Variants in LEMD1 observed in about 807,000 individuals in gnomAD.
LEMD1 encodes LEM domain-containing protein 1.
LEMD1 carries 18 observed loss-of-function variants against 17.4 expected under a neutral mutation model. The ratio of observed to expected loss-of-function variants is 1.04; its 90% CI spans 0.72 to 1.54. The LOEUF (loss-of-function observed/expected upper bound fraction) is 1.54, where lower values mean the gene tolerates loss of function less well. LEMD1 is among the 40% of genes most tolerant of loss of function. The probability of loss-of-function intolerance (pLI) is 0.00; values close to 1 mark genes in which losing one functional copy is unlikely to be tolerated. For synonymous variants in LEMD1, 88 were observed against 77.8 expected (o/e 1.13, Z -0.69); for missense variants, 195 against 210.4 (o/e 0.93, Z 0.45).
chr1:205,418,617 G>A (rs1448430609), intron 3 of LEMD1, among the ~76,000 whole-genome samples: 2 of 152,184 alleles, frequency 1.3e-5, no homozygotes, highest in Non-Finnish European at 2.9e-5. Context: ...CCTGGTTCAG[G>A]CGATTCTCCT....
Position 205,420,497 on chromosome 1 carries a change from T to C in LEMD1, c.40A>G (p.Asn14Asp), listed in dbSNP as rs760164885. Residue 14 changes from asparagine (N) to aspartate (D), a missense_variant, in exon 2 of 6, where the codon AAC (asparagine) becomes GAC (aspartate). Physicochemically the swap from Asn to Asp is conservative, Grantham distance 23. Coordinates refer to ENST00000367153, the MANE Select transcript of LEMD1 (RefSeq NM_001199050.2). ...GAAAATCCAAGCTTCTCAAGTTGGT[T>C]CTGCAATTTACAGTCACTCAGACAC... The part of the protein sequence containing the change: ...VKCLSDCKLQ[N>D]QLEKLGFSPG... 6.2e-7 allele frequency: 1 copy of C among 1,614,030 alleles called. No individual in the cohort carries two copies. Among genetic ancestry groups the C allele is most frequent in the Non-Finnish European group, 8.5e-7 (1 of 1,180,014 alleles).
At chr1:205,410,575 CTGAG>C (rs1408162632) in intron 4 of LEMD1, among the ~76,000 whole-genome samples, 3 of 152,180 alleles carry the variant, frequency 2.0e-5, no homozygotes, top group Non-Finnish European at 4.4e-5. Context: ...CCAACAGGGA[CTGAG>C]TAAGTCCCTG....
intron 4 of LEMD1, among the ~76,000 whole-genome samples, chr1:205,414,962 T>G (rs1665624032): frequency 6.6e-6 from 1 of 152,186 alleles, no homozygotes; most frequent in African/African-American, 2.4e-5. Flanking sequence ...GATGGATTTT[T>G]TAACATCATT....
intron 4 of LEMD1, among the ~76,000 whole-genome samples, chr1:205,388,895 G>A (rs1018664528): frequency 6.6e-6 from 1 of 151,900 alleles, no homozygotes; most frequent in African/African-American, 2.4e-5. Context: ...CAGTCAGTCT[G>A]AAATAATATT....
In LEMD1 at chr1:205,441,908, C is replaced by T. The variant is rs1451175514; in HGVS notation, c.-39+7960G>A. 2.6e-5 allele frequency among the ~76,000 whole-genome samples: 4 copies of T among 152,178 alleles called. No individual in the cohort carries two copies. Among genetic ancestry groups the T allele is most frequent in the Non-Finnish European group, 5.9e-5 (4 of 68,032 alleles). On this transcript the variant is annotated intron_variant, in intron 1 of 3. Transcript: ENST00000367154. This position sits in a 1 kb window ranked among gnomAD's most constrained non-coding sequence, Gnocchi z 4.3. ...GGCCCTCAGCAGGAGCCAGGGGCCG[C>T]TCTGGTATCTGTTGCAGTCTGGCTG...
chr1:205,394,633 C>T (rs1300584526), intron 4 of LEMD1, among the ~76,000 whole-genome samples: 1 of 152,156 alleles, frequency 6.6e-6, no homozygotes. Flanking sequence ...GATCCACCCG[C>T]CTTGGCCTCC....
chr1:205,408,774 A>G lies in LEMD1; in HGVS notation c.270+7458T>C, dbSNP rs140773718. Among the ~76,000 whole-genome samples, 341 of 152,204 alleles carry G rather than the reference A, an allele frequency of 2.2e-3. 9 individuals carry two copies. The East Asian group carries it at 0.048, about 21-fold the overall frequency. ...CTTGACCTCCCAAAGTGCTGAGATT[A>G]AAGAAGCGAGCCATCAAGCTCAGCT... On this transcript the variant is annotated intron_variant, in intron 4 of 5. Coordinates refer to ENST00000367153, the MANE Select transcript of LEMD1 (RefSeq NM_001199050.2).
chr1:205,397,140 G>T (rs1928444), intron 4 of LEMD1, among the ~76,000 whole-genome samples: 80,844 of 151,870 alleles, frequency 0.53, 21,771 homozygotes, highest in South Asian at 0.6. Context: ...AGAAAGACGA[G>T]CCTTTGCTTC....
upstream of LEMD1, among the ~76,000 whole-genome samples, chr1:205,424,609 G>A (rs1447665922): frequency 6.6e-6 from 1 of 152,176 alleles, no homozygotes; most frequent in Non-Finnish European, 1.5e-5. Context: ...AATGCTGCAG[G>A]AGCCCAGAAT....
intron 4 of LEMD1, among the ~76,000 whole-genome samples, chr1:205,391,111 T>C (rs775512596): frequency 5.3e-5 from 8 of 151,996 alleles, no homozygotes; most frequent in South Asian, 2.1e-4. Flanking sequence ...CCGATGTATA[T>C]ATGGAAACTT....
intron 3 of LEMD1, among the ~76,000 whole-genome samples, chr1:205,418,817 C>T (rs1346882430): frequency 6.6e-6 from 1 of 152,138 alleles, no homozygotes; most frequent in East Asian, 1.9e-4. Context: ...ATCAGTGTGG[C>T]TCATCTTTCT....
chr1:205,432,002 A>G (rs527918512), intron 1 of LEMD1, among the ~76,000 whole-genome samples: 30 of 152,148 alleles, frequency 2.0e-4, no homozygotes, highest in Non-Finnish European at 3.2e-4. Flanking sequence ...GGTGTAAGCC[A>G]CCGCACCCGC....
chr1:205,420,215 G>A (rs1665896984), intron 2 of LEMD1, among the ~76,000 whole-genome samples: 1 of 152,156 alleles, frequency 6.6e-6, no homozygotes, highest in Non-Finnish European at 1.5e-5. Flanking sequence ...CTGCTTGGGA[G>A]GCTCAGGCAG....
At chr1:205,389,587 G>A (rs11240467) in intron 4 of LEMD1, among the ~76,000 whole-genome samples, 25,537 of 152,094 alleles carry the variant, frequency 0.17, 2,219 homozygotes, top group Admixed American at 0.21. Flanking sequence ...GCTGGACTTG[G>A]AGAAGTCAGA....
In LEMD1 at chr1:205,419,215, A is replaced by G. The variant is rs780758736; in HGVS notation, c.205+15T>C. On this transcript the variant is annotated intron_variant, in intron 3 of 5. Coordinates refer to ENST00000367153, the MANE Select transcript of LEMD1 (RefSeq NM_001199050.2). ...GTGCAAAGTTGCCATCTAGCAGTAC[A>G]GCTTATGGCGGTACCTTCGCTGTCA... 6.2e-7 allele frequency: 1 copy of G among 1,612,324 alleles called. No homozygotes were observed. The highest frequency in any genetic ancestry group is 2.2e-5 in the East Asian group (1 of 44,852).
Position 205,381,835 on chromosome 1 carries a change from G to A in LEMD1, c.369C>T (p.Ser123=), listed in dbSNP as rs1663714144. The change falls in exon 6 of 6, where the codon AGC becomes AGT. Residue 123 remains serine, a synonymous_variant. Transcript: ENST00000367153. The stretch of plus-strand genomic sequence containing the variant: ...TGATAGTCCCATATGTGATTCTGGT[G>A]CTTGGTGCTCTTGCAGCCCACCTGT... ...KGRRWAARAP[S]TRITYGTITK... 1.9e-6 allele frequency: 3 copies of A among 1,614,102 alleles called. No homozygotes were observed. In the East Asian group the frequency reaches 6.7e-5, roughly 36 times the overall value.
At chr1:205,413,258 A>G (rs1410228153) in intron 4 of LEMD1, among the ~76,000 whole-genome samples, 1 of 152,132 alleles carries the variant, frequency 6.6e-6, no homozygotes. Context: ...CTACTAAATG[A>G]GGATAAAATA....
intron 1 of LEMD1, among the ~76,000 whole-genome samples, chr1:205,433,623 CA>C (rs1366161064): frequency 6.6e-6 from 1 of 152,188 alleles, no homozygotes; most frequent in Non-Finnish European, 1.5e-5. Flanking sequence ...TACATTTCCC[CA>C]TGCAAGAGGG....
intron 1 of LEMD1, among the ~76,000 whole-genome samples, chr1:205,445,649 G>C (rs981228232): frequency 6.6e-6 from 1 of 152,168 alleles, no homozygotes; most frequent in Admixed American, 6.5e-5. Flanking sequence ...AGATTCTTGG[G>C]AGCTGGAGAG....
Sources: gnomAD v4.1 joint callset for allele counts (sites outside exome capture counted in the v4.1 genomes callset) on GRCh38, gnomAD v4.1.1 for gene constraint, Gnocchi (gnomAD v3.1) non-coding constraint, MANE v1.5 for transcripts, NCBI Gene and HGNC (gene_info 2026-07-23, HGNC 2026-07-21) for gene names.